Variants in KRABD5 observed in about 807,000 individuals in gnomAD.
KRABD5 encodes the protein KRAB domain-containing protein 5.
At chr16:31,749,795 A>G in the KRABD5 span, among the ~76,000 whole-genome samples, 6 of 152,084 alleles carry the variant, frequency 3.9e-5, no homozygotes, top group Admixed American at 6.5e-5. Flanking sequence ...GAGAATCTGG[A>G]TACCTTGGTT....
the KRABD5 span, among the ~76,000 whole-genome samples, chr16:31,717,237 C>T: frequency 6.6e-6 from 1 of 152,256 alleles, no homozygotes; most frequent in Admixed American, 6.5e-5. Flanking sequence ...TTCAGGTGAT[C>T]TGCCTGCCTC....
the KRABD5 span, among the ~76,000 whole-genome samples, chr16:31,722,403 G>T: frequency 6.6e-6 from 1 of 151,880 alleles, no homozygotes; most frequent in Non-Finnish European, 1.5e-5. Context: ...TTCCATATAG[G>T]CATAGTATCT....
chr16:31,736,181 G>T, the KRABD5 span, among the ~76,000 whole-genome samples: 4 of 152,082 alleles, frequency 2.6e-5, no homozygotes, highest in Non-Finnish European at 1.5e-5. Flanking sequence ...TGTGTTCTTG[G>T]CATCTTTGTT....
chr16:31,736,727 C>T, the KRABD5 span, among the ~76,000 whole-genome samples: 1 of 151,930 alleles, frequency 6.6e-6, no homozygotes, highest in African/African-American at 2.4e-5. Context: ...ACCATGTTGA[C>T]CAGGCTGGTC....
At chr16:31,724,548 C>G in the KRABD5 span, among the ~76,000 whole-genome samples, 1 of 151,808 alleles carries the variant, frequency 6.6e-6, no homozygotes, top group Admixed American at 6.6e-5. Flanking sequence ...AAAAATTAGC[C>G]GGGCGTGGTG....
the KRABD5 span, among the ~76,000 whole-genome samples, chr16:31,743,203 A>G: frequency 3.3e-5 from 5 of 152,206 alleles, no homozygotes; most frequent in South Asian, 2.1e-4. Flanking sequence ...GCCCATGTCT[A>G]TGTCCTCAAT....
chr16:31,713,482 C>G, the KRABD5 span: 2 of 1,582,424 alleles, frequency 1.3e-6, no homozygotes, highest in Non-Finnish European at 1.7e-6. Context: ...GAGGGGCGGT[C>G]GGAAGCGGCG....
At chr16:31,736,482 G>A in the KRABD5 span, among the ~76,000 whole-genome samples, 7 of 146,740 alleles carry the variant, frequency 4.8e-5, no homozygotes, top group African/African-American at 1.8e-4. Flanking sequence ...AAATCTATAG[G>A]TCACTTTGGG....
At chr16:31,744,910 G>T in the KRABD5 span, among the ~76,000 whole-genome samples, 2 of 152,220 alleles carry the variant, frequency 1.3e-5, no homozygotes, top group South Asian at 4.1e-4. Flanking sequence ...GTTTACTTGT[G>T]TAGAGATATT....
the KRABD5 span, among the ~76,000 whole-genome samples, chr16:31,719,116 T>C: frequency 2.0e-5 from 3 of 152,210 alleles, no homozygotes. Context: ...CCATAGTCCC[T>C]ACCATCTGGG....
At chr16:31,744,643 G>A in the KRABD5 span, among the ~76,000 whole-genome samples, 1 of 152,180 alleles carries the variant, frequency 6.6e-6, no homozygotes, top group Admixed American at 6.5e-5. Flanking sequence ...TTCATAAACT[G>A]AGTTATTGAG....
the KRABD5 span, chr16:31,758,462 GA>G: frequency 1.3e-5 from 2 of 151,048 alleles, no homozygotes; most frequent in East Asian, 2.0e-4. Context: ...AAAATTTCAG[GA>G]AAAACTTAAA....
chr16:31,742,203 AAAG>A, the KRABD5 span, among the ~76,000 whole-genome samples: 6 of 151,364 alleles, frequency 4.0e-5, no homozygotes, highest in African/African-American at 1.2e-4. Flanking sequence ...CAAAAAAAAA[AAAG>A]ATGGGGGATA....
the KRABD5 span, chr16:31,754,602 G>A: frequency 2.1e-6 from 1 of 480,792 alleles, no homozygotes; most frequent in Non-Finnish European, 4.1e-6. Flanking sequence ...GTCCATCAGA[G>A]TATCTTTATT....
the KRABD5 span, among the ~76,000 whole-genome samples, chr16:31,743,628 A>T: frequency 1.3e-5 from 2 of 151,970 alleles, no homozygotes; most frequent in Non-Finnish European, 2.9e-5. Context: ...TCCATATGAA[A>T]TAAAAGTAGT....
chr16:31,755,981 AG>A, the KRABD5 span: 1 of 161,656 alleles, frequency 6.2e-6, no homozygotes, highest in South Asian at 1.6e-4. Flanking sequence ...AATGAGCAAA[AG>A]CATTGATGTT....
the KRABD5 span, among the ~76,000 whole-genome samples, chr16:31,741,802 C>T: frequency 6.6e-6 from 1 of 152,016 alleles, no homozygotes; most frequent in Non-Finnish European, 1.5e-5. Context: ...TTAATTAGGT[C>T]CCATTTGTCA....
chr16:31,759,459 G>A, the KRABD5 span: 165 of 1,497,344 alleles, frequency 1.1e-4, no homozygotes, highest in Non-Finnish European at 1.3e-4. Flanking sequence ...GTGTTGCTTC[G>A]AAAAGGGGTG....
chr16:31,726,566 G>T, the KRABD5 span, among the ~76,000 whole-genome samples: 45 of 152,184 alleles, frequency 3.0e-4, no homozygotes, highest in East Asian at 5.8e-3. Flanking sequence ...TTCAAGACCA[G>T]CCTGGCCAAC....
Sources: allele counts gnomAD v4.1 joint callset (sites outside exome capture counted in the v4.1 genomes callset), GRCh38; gene constraint gnomAD v4.1.1; transcripts MANE v1.5; gene names NCBI Gene and HGNC (gene_info 2026-07-23, HGNC 2026-07-21).